Variants in GTF2F2 observed in about 807,000 individuals in gnomAD.
GTF2F2 encodes general transcription factor IIF subunit 2, also known as ATP-dependent helicase GTF2F2.
In GTF2F2, 23 loss-of-function variants were observed where a neutral mutation model predicts 42.2. The ratio of observed to expected loss-of-function variants is 0.55; its 90% CI spans 0.39 to 0.77. The LOEUF (loss-of-function observed/expected upper bound fraction) is 0.77. GTF2F2 is among the 30% of genes least tolerant of loss of function. The probability of loss-of-function intolerance (pLI) is 0.00; values close to 1 mark genes in which losing one functional copy is unlikely to be tolerated. For missense variants in GTF2F2, 261 were observed against 287.2 expected (o/e 0.91, Z 0.66); for synonymous variants, 105 against 100.8 (o/e 1.04, Z -0.25).
intron 7 of GTF2F2, among the ~76,000 whole-genome samples, chr13:45,279,814 C>T (rs948086432): frequency 2.0e-5 from 3 of 151,974 alleles, no homozygotes; most frequent in African/African-American, 7.2e-5. Flanking sequence ...CTGAGGCAGG[C>T]GAATCACTTG....
At chr13:45,122,096 G>A (rs948387745) in intron 1 of GTF2F2, among the ~76,000 whole-genome samples, 2 of 152,178 alleles carry the variant, frequency 1.3e-5, no homozygotes, top group Non-Finnish European at 2.9e-5. Context: ...TCAGCATGGC[G>A]TGTTGTGGAA....
chr13:45,280,147 A>G (rs904041910), intron 7 of GTF2F2, among the ~76,000 whole-genome samples: 1 of 152,212 alleles, frequency 6.6e-6, no homozygotes, highest in Non-Finnish European at 1.5e-5. Context: ...GGGAAACAAC[A>G]TATGGGAAAA....
At chr13:45,205,739 C>T (rs1013822988) in intron 4 of GTF2F2, among the ~76,000 whole-genome samples, 21 of 152,198 alleles carry the variant, frequency 1.4e-4, no homozygotes, top group African/African-American at 2.6e-4. Flanking sequence ...AGCATGGTCT[C>T]GATCTCCTGA....
At position 45,241,186 on chromosome 13, in the gene GTF2F2, T is replaced by A. The variant is rs945517459; in HGVS notation, c.387-11685T>A. Reference sequence around the variant, plus strand: ...TAAAAAAAAGTAAATAAATATAAAATATATATATATATATATATATCTGCA... The same window carrying A: ...TAAAAAAAAGTAAATAAATATAAAAAATATATATATATATATATATCTGCA... On this transcript the variant is annotated intron_variant, in intron 5 of 7. Transcript: ENST00000340473. Among the ~76,000 whole-genome samples, 29 of 72,356 alleles carry A rather than the reference T, an allele frequency of 4.0e-4. 1 individual carries two copies. The highest frequency in any genetic ancestry group is 2.4e-3 in the African/African-American group (17 of 7,138). 47.5% of individuals were successfully genotyped at this position (72,356 alleles called of 152,430 possible).
At chr13:45,139,995 A>G (rs1395306059) in intron 2 of GTF2F2, among the ~76,000 whole-genome samples, 6 of 152,224 alleles carry the variant, frequency 3.9e-5, no homozygotes, top group Non-Finnish European at 8.8e-5. Flanking sequence ...TAGATTACTT[A>G]TAACTAATAC....
At chr13:45,124,943 G>A (rs1015476766) in intron 1 of GTF2F2, among the ~76,000 whole-genome samples, 2 of 152,210 alleles carry the variant, frequency 1.3e-5, no homozygotes, top group South Asian at 4.1e-4. Flanking sequence ...GCCTCCCAAA[G>A]TGCTGGGATT....
intron 5 of GTF2F2, among the ~76,000 whole-genome samples, chr13:45,208,079 A>G (rs1593491920): frequency 6.6e-6 from 1 of 151,898 alleles, no homozygotes. Flanking sequence ...AGCTGAGAGC[A>G]TGCCACTGCA....
intron 6 of GTF2F2, among the ~76,000 whole-genome samples, chr13:45,257,350 T>C (rs562985647): frequency 2.6e-5 from 4 of 152,318 alleles, no homozygotes; most frequent in African/African-American, 9.6e-5. Flanking sequence ...TAAATCTTCA[T>C]TGAGTGTCTG....
chr13:45,171,797 G>A (rs549116936), intron 4 of GTF2F2, among the ~76,000 whole-genome samples: 67 of 151,136 alleles, frequency 4.4e-4, no homozygotes, highest in African/African-American at 1.6e-3. Flanking sequence ...CTACTTTCTG[G>A]TTCTATAGAT....
In GTF2F2 at chr13:45,218,604, A is replaced by G. The variant is rs56897224; in HGVS notation, c.386+11099A>G. On this transcript the variant is annotated intron_variant, in intron 5 of 7. Transcript: ENST00000340473. Reference sequence around the variant, plus strand: ...TTTACTTAAAATTTAAGTAATTTCAAATAAACTTGCCTGTCCTTGCAGGCA... The same window carrying G: ...TTTACTTAAAATTTAAGTAATTTCAGATAAACTTGCCTGTCCTTGCAGGCA... Among the ~76,000 whole-genome samples the G allele has an allele frequency of 2.8e-3, 426 of 152,342 alleles. 6 individuals are homozygous for G. Among genetic ancestry groups the G allele is most frequent in the East Asian group, 0.024 (124 of 5,186 alleles).
intron 4 of GTF2F2, among the ~76,000 whole-genome samples, chr13:45,174,634 C>CTTTTTTTTT (rs397950608): frequency 6.1e-5 from 5 of 81,496 alleles, no homozygotes; most frequent in Non-Finnish European, 1.0e-4. Context: ...TTTCTTTTTT[C>CTTTTTTTTT]TTTTTTTTTT....
chr13:45,136,840 A>C (rs775071878), intron 2 of GTF2F2, 34 bp downstream of exon 2: 1 of 1,250,036 alleles, frequency 8.0e-7, no homozygotes, highest in Non-Finnish European at 1.2e-6. Flanking sequence ...CATTTTAAAA[A>C]GCTATTTTTG....
chr13:45,191,224 A>AAAAAAAATAAATATATATAT, intron 4 of GTF2F2, among the ~76,000 whole-genome samples: 2 of 75,346 alleles, frequency 2.7e-5, no homozygotes, highest in Non-Finnish European at 4.4e-5. Context: ...ACAAAAAAAA[A>AAAAAAAATAAATATATATAT]ATATATATAT....
chr13:45,227,615 T>G (rs988332036), intron 5 of GTF2F2, among the ~76,000 whole-genome samples: 1 of 152,236 alleles, frequency 6.6e-6, no homozygotes, highest in Non-Finnish European at 1.5e-5. Context: ...TTGCTTTCAT[T>G]GAAGAATTCT....
intron 4 of GTF2F2, among the ~76,000 whole-genome samples, chr13:45,161,831 G>A (rs1412618461): frequency 6.6e-6 from 1 of 152,118 alleles, no homozygotes; most frequent in Non-Finnish European, 1.5e-5. Context: ...CAACAAGAGC[G>A]AAACTCTGTC....
At chr13:45,240,287 T>A (rs1875223201) in intron 5 of GTF2F2, among the ~76,000 whole-genome samples, 1 of 151,966 alleles carries the variant, frequency 6.6e-6, no homozygotes, top group Non-Finnish European at 1.5e-5. Context: ...TGCCAGTGGT[T>A]ATTTCCCACT....
At chr13:45,215,406 C>T (rs7139785) in intron 5 of GTF2F2, among the ~76,000 whole-genome samples, 26,068 of 152,096 alleles carry the variant, frequency 0.17, 2,565 homozygotes, top group Non-Finnish European at 0.22. Flanking sequence ...TATAAAAATA[C>T]CTTTGGAATA....
chr13:45,190,950 A>T (rs1872592396), intron 4 of GTF2F2, among the ~76,000 whole-genome samples: 1 of 151,646 alleles, frequency 6.6e-6, no homozygotes, highest in Non-Finnish European at 1.5e-5. Flanking sequence ...TAAAAAAAAA[A>T]AAAAAACTGA....
intron 5 of GTF2F2, among the ~76,000 whole-genome samples, chr13:45,212,540 TTCTC>T (rs113400293): frequency 2.4e-5 from 3 of 125,636 alleles, no homozygotes; most frequent in Non-Finnish European, 3.5e-5. Context: ...CTTTCTCACT[TTCTC>T]TCTCTCTCTT....
Sources: gnomAD v4.1 joint callset for allele counts (sites outside exome capture counted in the v4.1 genomes callset) on GRCh38, gnomAD v4.1.1 for gene constraint, MANE v1.5 for transcripts, NCBI Gene and HGNC (gene_info 2026-07-23, HGNC 2026-07-21) for gene names.